IMMP2L: variants seen among roughly 807,000 people sequenced by gnomAD.
The protein encoded by IMMP2L is inner mitochondrial membrane peptidase subunit 2.
IMMP2L carries 18 observed loss-of-function variants against 19.3 expected under a neutral mutation model. The ratio of observed to expected loss-of-function variants is 0.93; its 90% CI spans 0.64 to 1.38. The LOEUF (loss-of-function observed/expected upper bound fraction) is 1.38, where lower values mean the gene tolerates loss of function less well. IMMP2L is among the 40% of genes most tolerant of loss of function. The probability of loss-of-function intolerance (pLI) is 0.00; values close to 1 mark genes in which losing one functional copy is unlikely to be tolerated. For missense variants in IMMP2L, 233 were observed against 218.2 expected (o/e 1.07, Z -0.43); for synonymous variants, 76 against 73.0 (o/e 1.04, Z -0.21).
At chr7:111,536,205 A>T (rs999842446) in intron 1 of IMMP2L, among the ~76,000 whole-genome samples, 1 of 152,210 alleles carries the variant, frequency 6.6e-6, no homozygotes, top group African/African-American at 2.4e-5. Flanking sequence ...TTCAAAAGGT[A>T]AATCAGGTAA....
At chr7:110,991,615 C>T (rs1440670788) in intron 3 of IMMP2L, among the ~76,000 whole-genome samples, 3 of 152,048 alleles carry the variant, frequency 2.0e-5, no homozygotes, top group African/African-American at 4.8e-5. Context: ...AGACCCAGAC[C>T]AACTAACTAA....
intron 3 of IMMP2L, among the ~76,000 whole-genome samples, chr7:111,426,558 T>C (rs1836096578): frequency 1.3e-5 from 2 of 151,194 alleles, no homozygotes; most frequent in African/African-American, 2.4e-5. Flanking sequence ...ACACAGCAAC[T>C]CTGCCCCCAA....
intron 3 of IMMP2L, among the ~76,000 whole-genome samples, chr7:111,073,040 T>C (rs1292100754): frequency 2.0e-5 from 3 of 152,232 alleles, no homozygotes; most frequent in Middle Eastern, 3.4e-3. Flanking sequence ...GAATATGGAA[T>C]ATATATTAGA....
At chr7:110,718,100 T>C (rs1375798632) in intron 5 of IMMP2L, among the ~76,000 whole-genome samples, 4 of 152,282 alleles carry the variant, frequency 2.6e-5, no homozygotes, top group South Asian at 2.1e-4. Context: ...TCTCTATCTA[T>C]AGAATGTTAA....
At chr7:110,962,760 T>C (rs1400555053) in intron 4 of IMMP2L, 5 of 1,098,004 alleles carry the variant, frequency 4.6e-6, no homozygotes, top group Non-Finnish European at 5.5e-6. Context: ...TGTACTATCA[T>C]TAATACAAAT....
chr7:111,105,315 A>G (rs564240074), intron 3 of IMMP2L, among the ~76,000 whole-genome samples: 3 of 152,030 alleles, frequency 2.0e-5, no homozygotes, highest in South Asian at 2.1e-4. Context: ...TATTTCAGTT[A>G]ACATCATGTA....
At chr7:111,102,598 A>G (rs1798090965) in intron 3 of IMMP2L, among the ~76,000 whole-genome samples, 1 of 151,648 alleles carries the variant, frequency 6.6e-6, no homozygotes, top group Non-Finnish European at 1.5e-5. Context: ...CAGTCAAATA[A>G]AAGAGAGAGA....
At chr7:111,501,618 G>A (rs1405859859) in intron 2 of IMMP2L, among the ~76,000 whole-genome samples, 16 of 152,110 alleles carry the variant, frequency 1.1e-4, no homozygotes, top group African/African-American at 1.9e-4. Flanking sequence ...GACAAACAGC[G>A]GATCTCTCAG....
chr7:110,713,154 A>C (rs1795008377), intron 5 of IMMP2L, among the ~76,000 whole-genome samples: 1 of 152,138 alleles, frequency 6.6e-6, no homozygotes, highest in African/African-American at 2.4e-5. Context: ...AGCACCATTT[A>C]TTTAATAGGG....
At chr7:111,317,760 T>G (rs1824265882) in intron 3 of IMMP2L, among the ~76,000 whole-genome samples, 1 of 152,146 alleles carries the variant, frequency 6.6e-6, no homozygotes, top group Non-Finnish European at 1.5e-5. Context: ...TAAGAAAAAT[T>G]TAAGATGCTT....
At chr7:110,786,538 T>C (rs1314235492) in intron 5 of IMMP2L, among the ~76,000 whole-genome samples, 1 of 151,998 alleles carries the variant, frequency 6.6e-6, no homozygotes, top group African/African-American at 2.4e-5. Context: ...GGCACTCACG[T>C]ACCAGCCCTT....
At chr7:111,321,268 T>C (rs552225226) in intron 3 of IMMP2L, among the ~76,000 whole-genome samples, 2 of 152,062 alleles carry the variant, frequency 1.3e-5, no homozygotes, top group South Asian at 2.1e-4. Flanking sequence ...CAACACACAA[T>C]TGGCTCAGGG....
intron 5 of IMMP2L, among the ~76,000 whole-genome samples, chr7:110,738,660 G>A (rs185487990): frequency 5.3e-5 from 8 of 152,174 alleles, no homozygotes; most frequent in Admixed American, 6.5e-5. Context: ...GGAAATAGTC[G>A]AAGAAAACTT....
chr7:111,127,655 T>C (rs2129592163), intron 3 of IMMP2L, among the ~76,000 whole-genome samples: 1 of 152,234 alleles, frequency 6.6e-6, no homozygotes, highest in Admixed American at 6.5e-5. Context: ...TAAGCATTGG[T>C]CAAAGTACTC....
At chr7:111,388,335 G>C (rs546700389) in intron 3 of IMMP2L, among the ~76,000 whole-genome samples, 1 of 151,988 alleles carries the variant, frequency 6.6e-6, no homozygotes, top group African/African-American at 2.4e-5. Context: ...GAGGATAATG[G>C]GAGCCAGGTT....
intron 5 of IMMP2L, chr7:110,664,698 T>G (rs1457124877): frequency 6.6e-6 from 1 of 152,190 alleles, no homozygotes; most frequent in East Asian, 1.9e-4. Flanking sequence ...AAAAAAATTG[T>G]TGTTGTTATA....
intron 3 of IMMP2L, among the ~76,000 whole-genome samples, chr7:110,977,717 T>C (rs1221417871): frequency 2.0e-5 from 3 of 151,690 alleles, no homozygotes; most frequent in Non-Finnish European, 4.4e-5. Flanking sequence ...CTCTCTCTTT[T>C]CCTCTTTCCC....
In IMMP2L at chr7:111,341,124, T is replaced by C. The variant is rs1485250723; in HGVS notation, c.239+146114A>G. 5.3e-5 allele frequency among the ~76,000 whole-genome samples: 8 copies of C among 152,146 alleles called. No homozygotes were observed. The East Asian group carries it at 1.5e-3, about 29-fold the overall frequency. On this transcript the variant is annotated intron_variant, in intron 3 of 5. Coordinates refer to ENST00000405709, the MANE Select transcript of IMMP2L (RefSeq NM_032549.4). The stretch of plus-strand genomic sequence containing the variant: ...TTTCAAAGATTACATTCTGCAGCAA[T>C]GAATTCAGCAGAGCAATATTGAGAA...
intron 3 of IMMP2L, among the ~76,000 whole-genome samples, chr7:111,357,998 T>C (rs10239796): frequency 0.026 from 3,983 of 151,944 alleles, 176 homozygotes; most frequent in African/African-American, 0.091. Context: ...CCTAGGGCAT[T>C]CTGGACTCTT....
Sources: gnomAD v4.1 joint callset for allele counts (sites outside exome capture counted in the v4.1 genomes callset) on GRCh38, gnomAD v4.1.1 for gene constraint, MANE v1.5 for transcripts, NCBI Gene and HGNC (gene_info 2026-07-23, HGNC 2026-07-21) for gene names.